Variants in FGGY observed in about 807,000 individuals in gnomAD.
The protein encoded by FGGY is FGGY carbohydrate kinase domain-containing protein.
In FGGY, 72 loss-of-function variants were observed where a neutral mutation model predicts 71.3. That is an observed-to-expected ratio of 1.01 (90% CI 0.84 to 1.23). The LOEUF is 1.23. FGGY is among the 50% of genes most tolerant of loss of function. The pLI, the probability that FGGY is intolerant of heterozygous loss-of-function variation, is 0.00. For synonymous variants in FGGY, 251 were observed against 250.3 expected, an observed-to-expected ratio of 1.00 and a Z score of -0.02; for missense variants, 668 against 682.3, an observed-to-expected ratio of 0.98 and a Z score of 0.23.
At position 59,516,627 on chromosome 1, in the gene FGGY, C is replaced by T. The variant is rs149443227; in HGVS notation, c.799+4188C>T. 1.2e-3 allele frequency among the ~76,000 whole-genome samples: 186 copies of T among 152,268 alleles called. 1 individual carries two copies. Among genetic ancestry groups the T allele is most frequent in the Middle Eastern group, 3.4e-3 (1 of 294 alleles). On this transcript the variant is annotated intron_variant, in intron 7 of 15. Transcript: ENST00000303721. The stretch of plus-strand genomic sequence containing the variant: ...ATGCAGGATTCACTACTTTGTGATT[C>T]TGTATAGGTTGAGGTCAGTAATAGC...
In FGGY at chr1:59,647,161, G is replaced by A. The variant is rs908075326; in HGVS notation, c.1221+8786G>A. ...ACAATGCAAAGGAACTAAGGCCAGA[G>A]GACCAAGGATAGAGTCCATTGTGTA... On this transcript the variant is annotated intron_variant, in intron 11 of 15. Coordinates refer to ENST00000303721, the MANE Select transcript of FGGY (RefSeq NM_018291.5). 9.2e-5 allele frequency among the ~76,000 whole-genome samples: 14 copies of A among 152,308 alleles called. No individual in the cohort carries two copies. In the South Asian group the frequency reaches 1.9e-3, roughly 20 times the overall value.
chr1:59,605,788 C>T (rs943497321), intron 8 of FGGY, among the ~76,000 whole-genome samples: 5 of 152,108 alleles, frequency 3.3e-5, no homozygotes, highest in Admixed American at 2.6e-4. Flanking sequence ...TAAGGTCTGT[C>T]CCCATGCTAA....
At chr1:59,330,517 C>T (rs900516317) in intron 2 of FGGY, among the ~76,000 whole-genome samples, 9 of 150,340 alleles carry the variant, frequency 6.0e-5, no homozygotes, top group Non-Finnish European at 5.9e-5. Flanking sequence ...TGCAATAAGC[C>T]GAGATCGCAG....
At chr1:59,610,189 G>GC (rs1558533638) in intron 9 of FGGY, among the ~76,000 whole-genome samples, 18 of 152,134 alleles carry the variant, frequency 1.2e-4, no homozygotes. Flanking sequence ...TATGTTTTAA[G>GC]CCTTCCATGC....
At chr1:59,636,516 G>A (rs531298685) in intron 10 of FGGY, among the ~76,000 whole-genome samples, 6 of 152,068 alleles carry the variant, frequency 3.9e-5, no homozygotes, top group South Asian at 2.1e-4. Flanking sequence ...CCAGCTACTC[G>A]GGAGGCTGAG....
intron 14 of FGGY, chr1:59,754,803 A>G (rs897793521): frequency 2.0e-5 from 3 of 152,286 alleles, no homozygotes; most frequent in Non-Finnish European, 4.4e-5. Context: ...CAGCTCTCTC[A>G]TACATGGGCC....
intron 14 of FGGY, among the ~76,000 whole-genome samples, chr1:59,717,957 A>C (rs1226629037): frequency 6.6e-6 from 1 of 152,182 alleles, no homozygotes; most frequent in East Asian, 1.9e-4. Flanking sequence ...GGGGAGACTG[A>C]GGCACAGAAA....
At chr1:59,427,210 G>A (rs564202083) in intron 5 of FGGY, among the ~76,000 whole-genome samples, 2 of 152,312 alleles carry the variant, frequency 1.3e-5, no homozygotes, top group East Asian at 3.9e-4. Flanking sequence ...TCCATAGCAG[G>A]CACCCAGGAC....
At chr1:59,533,003 G>A (rs1043937185) in intron 7 of FGGY, among the ~76,000 whole-genome samples, 1 of 152,224 alleles carries the variant, frequency 6.6e-6, no homozygotes, top group Non-Finnish European at 1.5e-5. Flanking sequence ...TTAGGGAGGA[G>A]CCAAGATGGC....
intron 14 of FGGY, among the ~76,000 whole-genome samples, chr1:59,684,358 TG>T (rs1005667493): frequency 6.6e-6 from 1 of 152,156 alleles, no homozygotes; most frequent in African/African-American, 2.4e-5. Context: ...AATGGAATGA[TG>T]GAGCATTTGA....
intron 6 of FGGY, among the ~76,000 whole-genome samples, chr1:59,501,295 A>T (rs1054515207): frequency 6.6e-6 from 1 of 152,312 alleles, no homozygotes; most frequent in African/African-American, 2.4e-5. Flanking sequence ...GTTTTTAGTG[A>T]TACAATTTTG....
intron 6 of FGGY, among the ~76,000 whole-genome samples, chr1:59,511,311 T>C (rs1045072525): frequency 2.6e-5 from 4 of 152,052 alleles, no homozygotes; most frequent in Admixed American, 6.6e-5. Context: ...ATGGAACAAT[T>C]AACAAGTGGC....
chr1:59,300,027 T>A (rs1488075931), intron 1 of FGGY, among the ~76,000 whole-genome samples: 1 of 152,212 alleles, frequency 6.6e-6, no homozygotes, highest in Non-Finnish European at 1.5e-5. Context: ...AATTTAGAGC[T>A]CATATCTAAT....
intron 14 of FGGY, among the ~76,000 whole-genome samples, chr1:59,753,734 A>C (rs1042202485): frequency 6.6e-6 from 1 of 151,932 alleles, no homozygotes; most frequent in African/African-American, 2.4e-5. Context: ...TATATGGAGC[A>C]AACAAAAAAT....
chr1:59,468,896 A>T (rs1450513529), intron 6 of FGGY, among the ~76,000 whole-genome samples: 4 of 148,842 alleles, frequency 2.7e-5, no homozygotes, highest in Admixed American at 6.7e-5. Flanking sequence ...AAAAAAAAGG[A>T]TCTTGACTAA....
At chr1:59,490,461 A>G (rs1199104364) in intron 6 of FGGY, among the ~76,000 whole-genome samples, 7 of 152,206 alleles carry the variant, frequency 4.6e-5, no homozygotes, top group South Asian at 4.1e-4. Flanking sequence ...CTCCCATTCT[A>G]TAGGTTGAAT....
intron 8 of FGGY, among the ~76,000 whole-genome samples, chr1:59,576,665 G>GACACACACAC (rs1204594891): frequency 1.5e-5 from 2 of 134,540 alleles, no homozygotes; most frequent in African/African-American, 5.7e-5. Flanking sequence ...CAGACAGACA[G>GACACACACAC]ACAGACAGAC....
chr1:59,299,969 A>G (rs1362116678), intron 1 of FGGY, among the ~76,000 whole-genome samples: 4 of 152,224 alleles, frequency 2.6e-5, no homozygotes, highest in Admixed American at 2.6e-4. Context: ...GTTAAATTTA[A>G]AAGTAGAAAA....
At chr1:59,505,571 CCAAAGCTCTTTCTGA>C (rs1295473371) in intron 6 of FGGY, among the ~76,000 whole-genome samples, 2 of 152,132 alleles carry the variant, frequency 1.3e-5, no homozygotes, top group African/African-American at 4.8e-5. Context: ...CCACCCATGC[CCAAAGCTCTTTCTGA>C]CATTTCCATG....
Sources: allele counts gnomAD v4.1 joint callset (sites outside exome capture counted in the v4.1 genomes callset), GRCh38; gene constraint gnomAD v4.1.1; transcripts MANE v1.5; gene names NCBI Gene and HGNC (gene_info 2026-07-23, HGNC 2026-07-21).